RGS7: variants seen among roughly 807,000 people sequenced by gnomAD.
RGS7 encodes the protein regulator of G-protein signaling 7.
In RGS7, 27 loss-of-function variants were observed where a neutral mutation model predicts 81.1. That is an observed-to-expected ratio of 0.33 (90% CI 0.25 to 0.46). The LOEUF (loss-of-function observed/expected upper bound fraction) is 0.46, where lower values mean the gene tolerates loss of function less well. Among genes scored for constraint, RGS7 ranks in the 20% least tolerant of loss-of-function variants. The pLI is 1.00. For synonymous variants in RGS7, 208 were observed against 207.7 expected, an observed-to-expected ratio of 1.00 and a Z score of -0.01; for missense variants, 396 against 607.4, an observed-to-expected ratio of 0.65 and a Z score of 3.66.
chr1:240,997,179 G>A (rs1687424312), intron 3 of RGS7, among the ~76,000 whole-genome samples: 1 of 151,888 alleles, frequency 6.6e-6, no homozygotes, highest in East Asian at 1.9e-4. Context: ...GTCTTGTTAT[G>A]TTGCCCAGGC....
chr1:241,305,123 G>A (rs190176559), intron 2 of RGS7, among the ~76,000 whole-genome samples: 171 of 152,236 alleles, frequency 1.1e-3, no homozygotes, highest in Non-Finnish European at 1.7e-3. Context: ...ATTCTTTTAC[G>A]AGTTTTTAAC....
At chr1:241,214,463 C>G (rs2074433616) in intron 2 of RGS7, among the ~76,000 whole-genome samples, 1 of 151,348 alleles carries the variant, frequency 6.6e-6, no homozygotes, top group Non-Finnish European at 1.5e-5. Flanking sequence ...TTTCTTTCAA[C>G]CTTTGGACTT....
intron 4 of RGS7, among the ~76,000 whole-genome samples, chr1:240,950,080 G>C (rs1679305953): frequency 6.6e-6 from 1 of 152,148 alleles, no homozygotes; most frequent in Non-Finnish European, 1.5e-5. Context: ...ACTTGGAGCA[G>C]AAGCTTTTGG....
At chr1:241,180,577 T>C (rs2071536459) in intron 2 of RGS7, among the ~76,000 whole-genome samples, 1 of 152,200 alleles carries the variant, frequency 6.6e-6, no homozygotes, top group Non-Finnish European at 1.5e-5. Context: ...TGCTGAACAG[T>C]GCATCTCTAG....
intron 2 of RGS7, among the ~76,000 whole-genome samples, chr1:241,262,205 A>G (rs568217626): frequency 2.6e-5 from 4 of 152,144 alleles, no homozygotes; most frequent in Non-Finnish European, 4.4e-5. Flanking sequence ...GCCTCTCTGT[A>G]TGGGTCCCAA....
At chr1:240,789,996 TTC>T (rs1474202618) in intron 18 of RGS7, among the ~76,000 whole-genome samples, 1 of 152,198 alleles carries the variant, frequency 6.6e-6, no homozygotes, top group Admixed American at 6.5e-5. Context: ...GCTTTAAAAT[TTC>T]TCTCTTTTGT....
intron 4 of RGS7, among the ~76,000 whole-genome samples, chr1:240,982,490 A>G (rs926150685): frequency 2.0e-5 from 3 of 151,756 alleles, no homozygotes; most frequent in African/African-American, 7.3e-5. Flanking sequence ...GTTCCAGGCA[A>G]TGCAAAGTGT....
chr1:241,246,612 A>G (rs1163306526), intron 2 of RGS7, among the ~76,000 whole-genome samples: 4 of 152,162 alleles, frequency 2.6e-5, no homozygotes, highest in Non-Finnish European at 5.9e-5. Flanking sequence ...TCGATTGAGT[A>G]CTATCTACCT....
chr1:241,211,374 C>T (rs1342952152), intron 2 of RGS7, among the ~76,000 whole-genome samples: 2 of 152,210 alleles, frequency 1.3e-5, no homozygotes, highest in East Asian at 3.9e-4. Flanking sequence ...GGGAACCATG[C>T]CATTTTATTT....
At chr1:241,195,433 G>A (rs10926430) in intron 2 of RGS7, among the ~76,000 whole-genome samples, 56,629 of 151,826 alleles carry the variant, frequency 0.37, 12,266 homozygotes, top group East Asian at 0.67. Flanking sequence ...CCGAGATCGC[G>A]CCATTGCACT....
At chr1:241,023,194 G>C (rs909039614) in intron 3 of RGS7, among the ~76,000 whole-genome samples, 1 of 151,928 alleles carries the variant, frequency 6.6e-6, no homozygotes, top group East Asian at 1.9e-4. Context: ...GTAAAATGCT[G>C]ACCAAAACAG....
chr1:241,239,159 G>T (rs912570552), intron 2 of RGS7, among the ~76,000 whole-genome samples: 9 of 151,530 alleles, frequency 5.9e-5, no homozygotes, highest in South Asian at 2.1e-4. Flanking sequence ...TAGTAGAGAC[G>T]GGTTTCATCA....
intron 2 of RGS7, among the ~76,000 whole-genome samples, chr1:241,210,926 GT>G (rs1222623253): frequency 1.3e-5 from 2 of 152,166 alleles, no homozygotes; most frequent in African/African-American, 4.8e-5. Flanking sequence ...GAGGTCAATT[GT>G]GGTAACCAAA....
chr1:241,139,926 G>A (rs549106729), intron 2 of RGS7, among the ~76,000 whole-genome samples: 2 of 152,262 alleles, frequency 1.3e-5, no homozygotes, highest in East Asian at 1.9e-4. Flanking sequence ...CATCACCTAG[G>A]TGTCAGCCTG....
chr1:240,954,451 A>C (rs925493589), intron 4 of RGS7, among the ~76,000 whole-genome samples: 1 of 152,166 alleles, frequency 6.6e-6, no homozygotes, highest in Non-Finnish European at 1.5e-5. Flanking sequence ...TTTGAAAATC[A>C]ATTAATGTAA....
chr1:241,244,196 G>T (rs887383728), intron 2 of RGS7, among the ~76,000 whole-genome samples: 19 of 151,994 alleles, frequency 1.3e-4, no homozygotes, highest in African/African-American at 4.3e-4. Flanking sequence ...GAAAATTTTT[G>T]CAATCTACTC....
intron 2 of RGS7, among the ~76,000 whole-genome samples, chr1:241,199,683 C>T (rs1164807693): frequency 1.5e-5 from 1 of 65,354 alleles, no homozygotes; most frequent in Admixed American, 1.7e-4. Context: ...CTGTGGCTTC[C>T]AGAAAAAAAA....
chr1:240,889,708 T>C (rs181117346), intron 6 of RGS7, among the ~76,000 whole-genome samples: 1 of 152,264 alleles, frequency 6.6e-6, no homozygotes, highest in East Asian at 1.9e-4. Flanking sequence ...TACATTAGTT[T>C]TTTGTTGTTG....
intron 4 of RGS7, among the ~76,000 whole-genome samples, chr1:240,969,908 A>G (rs1304647892): frequency 6.6e-6 from 1 of 152,226 alleles, no homozygotes; most frequent in African/African-American, 2.4e-5. Context: ...TCTGGGTTTG[A>G]ATACTGGTTA....
Sources: gnomAD v4.1 joint callset for allele counts (sites outside exome capture counted in the v4.1 genomes callset) on GRCh38, gnomAD v4.1.1 for gene constraint, MANE v1.5 for transcripts, NCBI Gene and HGNC (gene_info 2026-07-23, HGNC 2026-07-21) for gene names.